Variants in DLEC1 observed in about 807,000 individuals in gnomAD.
DLEC1 encodes DLEC1 cilia and flagella associated protein, also known as deleted in lung and esophageal cancer protein 1.
A neutral mutation model predicts 198.1 loss-of-function variants in DLEC1; 146 were observed. The ratio of observed to expected loss-of-function variants is 0.74; its 90% CI spans 0.64 to 0.85. DLEC1 has a LOEUF of 0.85. Ranked by LOEUF, DLEC1 falls within the 40% of genes least tolerant of loss-of-function variation. The probability of loss-of-function intolerance (pLI) is 0.00; values close to 1 mark genes in which losing one functional copy is unlikely to be tolerated. For synonymous variants in DLEC1, 897 were observed against 866.8 expected (o/e 1.03, Z -0.61); for missense variants, 2,233 against 2,220.0 (o/e 1.01, Z -0.12).
intron 16 of DLEC1, 68 bp downstream of exon 16, chr3:38,097,343 T>TA (rs1575196183): frequency 1.3e-6 from 2 of 1,542,264 alleles, no homozygotes; most frequent in African/African-American, 2.7e-5. Context: ...TCTTCAGAGT[T>TA]AAAGGGGCTT....
At chr3:38,074,358 T>C (rs1166871063) in intron 6 of DLEC1, among the ~76,000 whole-genome samples, 2 of 152,208 alleles carry the variant, frequency 1.3e-5, no homozygotes, top group Non-Finnish European at 2.9e-5. Context: ...ATTTTTGAAG[T>C]TTTTTCCTAA....
chr3:38,054,838 A>G (rs1368052881), intron 2 of DLEC1, among the ~76,000 whole-genome samples: 1 of 152,238 alleles, frequency 6.6e-6, no homozygotes, highest in Non-Finnish European at 1.5e-5. Flanking sequence ...CATATGGGAA[A>G]AGCCACCACG....
chr3:38,121,331 G>A (rs1700448658), intron 34 of DLEC1, among the ~76,000 whole-genome samples: 1 of 152,242 alleles, frequency 6.6e-6, no homozygotes, highest in Non-Finnish European at 1.5e-5. Context: ...GGCCACCACA[G>A]GAGGAGCAGT....
chr3:38,086,771 A>G (rs1004665979), intron 9 of DLEC1, among the ~76,000 whole-genome samples: 4 of 152,210 alleles, frequency 2.6e-5, no homozygotes, highest in African/African-American at 9.7e-5. Flanking sequence ...TTCTGAGCCA[A>G]CATTTAAAAA....
chr3:38,085,486 G>T (rs1372808096), intron 8 of DLEC1, 39 bp downstream of exon 8: 2 of 1,608,234 alleles, frequency 1.2e-6, no homozygotes. Context: ...TTCAGTTAAG[G>T]TTGGAGAGTC....
At position 38,116,569 on chromosome 3, in the gene DLEC1, G is replaced by A. The variant is rs868475191; in HGVS notation, c.3973G>A (p.Val1325Met). ...PLRDQAGNEL[V>M]CPDTPEGGCL... Reference sequence around the variant, plus strand: ...GCGGGACCAAGCCGGGAATGAGCTTGTGTGCCCTGATACCCCTGAGGGTGG... The same window carrying A: ...GCGGGACCAAGCCGGGAATGAGCTTATGTGCCCTGATACCCCTGAGGGTGG... The change falls in exon 28 of 37, where the codon GTG becomes ATG. Residue 1325 changes from valine to methionine, a missense_variant. Val to Met is a conservative substitution (Grantham distance 21). Transcript: ENST00000308059. 33 of 1,614,022 alleles carry A rather than the reference G, an allele frequency of 2.0e-5. No homozygotes were observed. In the Middle Eastern group the frequency reaches 4.9e-4, roughly 24 times the overall value.
At position 38,064,752 on chromosome 3, in the gene DLEC1, C is replaced by G. The variant is rs562071945; in HGVS notation, c.1173+833C>G. ...TCACATCTCAGACGGGGCGGCGGGGCAGAGGCGCTCCCCACATCCCAGACG... is the reference window on the plus strand; with the variant it reads ...TCACATCTCAGACGGGGCGGCGGGGGAGAGGCGCTCCCCACATCCCAGACG... On this transcript the variant is annotated intron_variant, in intron 6 of 36. Coordinates refer to ENST00000308059, the MANE Select transcript of DLEC1 (RefSeq NM_007335.4). 4.0e-5 allele frequency among the ~76,000 whole-genome samples: 6 copies of G among 149,976 alleles called. No individual in the cohort carries two copies. In the South Asian group the frequency reaches 8.5e-4, roughly 21 times the overall value.
At chr3:38,044,868 C>T (rs1312297367) in intron 1 of DLEC1, among the ~76,000 whole-genome samples, 4 of 152,076 alleles carry the variant, frequency 2.6e-5, no homozygotes, top group Non-Finnish European at 4.4e-5. Flanking sequence ...ACTCTCTGGG[C>T]GCAAGTACTG....
chr3:38,092,215 C>T (rs1204455653), intron 10 of DLEC1, among the ~76,000 whole-genome samples: 1 of 152,186 alleles, frequency 6.6e-6, no homozygotes, highest in Non-Finnish European at 1.5e-5. Flanking sequence ...AATAACAGCC[C>T]TGCAAAAGAA....
At chr3:38,072,952 T>A (rs1421565165) in intron 6 of DLEC1, among the ~76,000 whole-genome samples, 1 of 152,122 alleles carries the variant, frequency 6.6e-6, no homozygotes, top group Non-Finnish European at 1.5e-5. Flanking sequence ...ATATATTGAA[T>A]AAGGTGAGAA....
rs184171602 is a variant in DLEC1, at chr3:38,076,877, C to T, written c.1174-7281C>T. 1.4e-3 allele frequency among the ~76,000 whole-genome samples: 218 copies of T among 152,114 alleles called. 1 individual carries two copies. Among genetic ancestry groups the T allele is most frequent in the Middle Eastern group, 6.8e-3 (2 of 294 alleles). ...CTGCTTTGATCAGGATTAGGGGCAG[C>T]GTGGGAACCTAGAGTGGGAGAGATT... On this transcript the variant is annotated intron_variant, in intron 6 of 36. Transcript: ENST00000308059.
At chr3:38,083,614 T>C (rs6794162) in intron 6 of DLEC1, among the ~76,000 whole-genome samples, 44,862 of 118,734 alleles carry the variant, frequency 0.38, 11,436 homozygotes, top group East Asian at 0.56. Flanking sequence ...TCAGTTAAGG[T>C]GGGGCAGGGC....
At chr3:38,072,147 T>A (rs991007133) in intron 6 of DLEC1, among the ~76,000 whole-genome samples, 16 of 152,120 alleles carry the variant, frequency 1.1e-4, no homozygotes, top group African/African-American at 3.9e-4. Context: ...AGGTGTGGTA[T>A]CTGGAATAAT....
At chr3:38,084,380 GGTA>G (rs1287176617) in intron 7 of DLEC1, 135 bp downstream of exon 7, 9 of 515,134 alleles carry the variant, frequency 1.7e-5, no homozygotes, top group African/African-American at 9.6e-5. Flanking sequence ...TAGTGATGGT[GGTA>G]GTAGTGGTAG....
chr3:38,110,830 A>G (rs1304041019), intron 23 of DLEC1, among the ~76,000 whole-genome samples: 1 of 152,132 alleles, frequency 6.6e-6, no homozygotes, highest in African/African-American at 2.4e-5. Flanking sequence ...ATACATATAC[A>G]CATGCATACA....
intron 7 of DLEC1, among the ~76,000 whole-genome samples, 174 bp downstream of exon 7, chr3:38,084,419 A>G (rs112285501): frequency 0.069 from 407 of 5,868 alleles, 11 homozygotes; most frequent in South Asian, 0.092. Context: ...TGGTAGTAGT[A>G]GTGGTAGTAG....
rs36026980 is a variant in DLEC1 at position 38,050,072 on chromosome 3, C to CT, written c.562+4392dup. 1.5e-3 allele frequency among the ~76,000 whole-genome samples: 222 copies of CT among 145,822 alleles called. 3 individuals carry two copies. The South Asian group carries it at 0.021, about 14-fold the overall frequency. ...GAGTTTGAAAACAACTTCCAGATAACTTTTTTTTTTTTTCAAGACAGGGTC... is the reference window on the plus strand; with the variant it reads ...GAGTTTGAAAACAACTTCCAGATAACTTTTTTTTTTTTTTCAAGACAGGGTC... On this transcript the variant is annotated intron_variant, in intron 2 of 36. Transcript: ENST00000308059.
intron 2 of DLEC1, 137 bp downstream of exon 2, chr3:38,045,830 AC>A: frequency 3.3e-6 from 3 of 913,208 alleles, no homozygotes; most frequent in Non-Finnish European, 4.8e-6. Flanking sequence ...TATGAATATT[AC>A]CACAAAAGAA....
At chr3:38,058,702 A>T (rs377363622) in intron 2 of DLEC1, among the ~76,000 whole-genome samples, 4 of 152,258 alleles carry the variant, frequency 2.6e-5, no homozygotes, top group South Asian at 4.2e-4. Context: ...ACCAAGAGTG[A>T]CCTGTAATGT....
Sources: allele counts gnomAD v4.1 joint callset (sites outside exome capture counted in the v4.1 genomes callset), GRCh38; gene constraint gnomAD v4.1.1; transcripts MANE v1.5; gene names NCBI Gene and HGNC (gene_info 2026-07-23, HGNC 2026-07-21).